The following NOL4L variants were observed in gnomAD, a reference collection of about 807,000 sequenced individuals.
The protein encoded by NOL4L is nucleolar protein 4-like.
A neutral mutation model predicts 64.5 loss-of-function variants in NOL4L; 7 were observed. That is an observed-to-expected ratio of 0.11 (90% CI 0.06 to 0.20). The LOEUF (loss-of-function observed/expected upper bound fraction) is 0.20. Among genes scored for constraint, NOL4L ranks in the 10% least tolerant of loss-of-function variants. The probability of loss-of-function intolerance (pLI) is 1.00; values close to 1 mark genes in which losing one functional copy is unlikely to be tolerated. For synonymous variants in NOL4L, 413 were observed against 401.0 expected (o/e 1.03, Z -0.36); for missense variants, 680 against 967.1 (o/e 0.70, Z 3.94).
At chr20:32,499,233 A>C (rs934426358) in intron 4 of NOL4L, among the ~76,000 whole-genome samples, 1 of 151,994 alleles carries the variant, frequency 6.6e-6, no homozygotes, top group Non-Finnish European at 1.5e-5. Context: ...TTTTAGGAGG[A>C]TGGGGAATGC....
At chr20:32,455,374 T>C (rs1394918602) in intron 6 of NOL4L, among the ~76,000 whole-genome samples, 1 of 152,204 alleles carries the variant, frequency 6.6e-6, no homozygotes, top group South Asian at 2.1e-4. Context: ...GTACAGAATG[T>C]CCCCACGAGA....
chr20:32,482,541 G>T (rs1326734766), intron 4 of NOL4L, among the ~76,000 whole-genome samples: 2 of 152,082 alleles, frequency 1.3e-5, no homozygotes, highest in Non-Finnish European at 2.9e-5. Context: ...GTGGAGGGAG[G>T]AGAGAGAGGG....
intron 1 of NOL4L, among the ~76,000 whole-genome samples, chr20:32,565,812 G>A (rs960809949): frequency 1.3e-5 from 2 of 152,162 alleles, no homozygotes; most frequent in Non-Finnish European, 2.9e-5. Flanking sequence ...GAGCATTTTG[G>A]GAGGCTGAGG....
chr20:32,557,806 T>A (rs1189675239), intron 1 of NOL4L, among the ~76,000 whole-genome samples: 1 of 152,268 alleles, frequency 6.6e-6, no homozygotes, highest in Non-Finnish European at 1.5e-5. Context: ...GGCTCATGCC[T>A]GTAATCCCAG....
At chr20:32,454,860 A>G (rs1057511523) in intron 6 of NOL4L, among the ~76,000 whole-genome samples, 14 of 152,184 alleles carry the variant, frequency 9.2e-5, no homozygotes, top group African/African-American at 3.4e-4. Flanking sequence ...GCACTCACTG[A>G]GGAGCAAATC....
At position 32,456,369 on chromosome 20, in the gene NOL4L, C is replaced by T. The variant is rs1296946099; in HGVS notation, c.868G>A (p.Gly290Ser). 1 of 1,465,392 alleles carries T rather than the reference C, an allele frequency of 6.8e-7. No individual in the cohort carries two copies. Among genetic ancestry groups the T allele is most frequent in the Non-Finnish European group, 9.1e-7 (1 of 1,104,240 alleles). The allele number at this position is 1,465,392 out of a possible 1,614,324, so 90.8% of individuals were successfully genotyped here. ...DDDSSSESGS[G>S]NGSSTLNPST... ...GGGTTCAGGGTGGAGGAGCCATTGC[C>T]GCTGCCACTCTCAGAGGAGGAGTCA... Residue 290 changes from glycine (G) to serine (S), a missense_variant, in exon 6 of 11, where the codon GGC (glycine) becomes AGC (serine). By Grantham distance (56) the Gly-to-Ser change is moderately conservative. Coordinates refer to ENST00000621426, the MANE Select transcript of NOL4L (RefSeq NM_001256798.2).
chr20:32,526,621 G>A (rs1393989516), intron 2 of NOL4L, among the ~76,000 whole-genome samples: 1 of 152,112 alleles, frequency 6.6e-6, no homozygotes, highest in Non-Finnish European at 1.5e-5. Flanking sequence ...CATCTGCCTT[G>A]GGTGGGGAAG....
intron 5 of NOL4L, among the ~76,000 whole-genome samples, chr20:32,462,915 A>AAAAAAAAAAAAAAAAAAAAAAAAAAAC (rs1389511738): frequency 6.6e-6 from 1 of 150,380 alleles, no homozygotes; most frequent in Non-Finnish European, 1.5e-5. Context: ...AAAAAAAAAA[A>AAAAAAAAAAAAAAAAAAAAAAAAAAAC]AAAAAAAACT....
chr20:32,539,846 G>A (rs984753273), intron 1 of NOL4L, among the ~76,000 whole-genome samples: 3 of 152,110 alleles, frequency 2.0e-5, no homozygotes, highest in Non-Finnish European at 4.4e-5. Flanking sequence ...CCAGGGGTAG[G>A]CTGTGCCCTC....
chr20:32,475,507 T>TGG (rs2145484747), intron 4 of NOL4L, among the ~76,000 whole-genome samples: 2 of 152,300 alleles, frequency 1.3e-5, no homozygotes, highest in East Asian at 3.9e-4. Flanking sequence ...GCTGCCGGCT[T>TGG]CGGGCCGGCC....
rs1205692042 is a variant in NOL4L, at chr20:32,456,102, C to T, written c.1119+16G>A. The stretch of plus-strand genomic sequence containing the variant: ...CTTTACAGAAAGAAATGGACTCAGC[C>T]CCCAGCCCCACACACCTCGGGGGTG... On this transcript the variant is annotated intron_variant, in intron 6 of 10. Transcript: ENST00000621426. The T allele has an allele frequency of 4.7e-6, 7 of 1,488,426 alleles. No individual in the cohort carries two copies. The highest frequency in any genetic ancestry group is 5.4e-6 in the Non-Finnish European group (6 of 1,117,902). 92.2% of individuals were successfully genotyped at this position (1,488,426 alleles called of 1,614,324 possible). A position where few individuals can be genotyped will look rare whatever the true frequency, so the allele number is the denominator to read the frequency against.
chr20:32,581,740 C>A (rs551124042), intron 1 of NOL4L, among the ~76,000 whole-genome samples: 7 of 152,184 alleles, frequency 4.6e-5, no homozygotes, highest in African/African-American at 9.7e-5. Flanking sequence ...CACAGCCCCA[C>A]CCACCCGAGC....
At chr20:32,485,834 C>G in intron 4 of NOL4L, 1 of 460,322 alleles carries the variant, frequency 2.2e-6, no homozygotes. Flanking sequence ...TTTGACTTCT[C>G]CTGGCCTGAA....
intron 4 of NOL4L, among the ~76,000 whole-genome samples, chr20:32,485,129 C>CA (rs1374573677): frequency 2.8e-5 from 4 of 141,318 alleles, no homozygotes; most frequent in African/African-American, 1.0e-4. Flanking sequence ...CCTCCTGATT[C>CA]CTCTGGTCGC....
chr20:32,537,063 C>T lies in NOL4L; in HGVS notation c.322-9150G>A, dbSNP rs544777717. On this transcript the variant is annotated intron_variant, in intron 1 of 10. Coordinates refer to ENST00000621426, the MANE Select transcript of NOL4L (RefSeq NM_001256798.2). The stretch of plus-strand genomic sequence containing the variant: ...TCCCGGCGCACCTGCCCTGCCCCGC[C>T]CCCCCGGGACGCTGCCCACCTGTCC... 50 of 985,028 alleles carry T rather than the reference C, an allele frequency of 5.1e-5. No homozygotes were observed. The Admixed American group carries it at 8.0e-4, about 16-fold the overall frequency. 61.0% of individuals were successfully genotyped at this position (985,028 alleles called of 1,614,324 possible). A position where few individuals can be genotyped will look rare whatever the true frequency, so the allele number is the denominator to read the frequency against.
chr20:32,459,623 G>A (rs928559025), intron 5 of NOL4L, among the ~76,000 whole-genome samples: 2 of 152,088 alleles, frequency 1.3e-5, no homozygotes, highest in Admixed American at 1.3e-4. Flanking sequence ...GACCTCAGGC[G>A]ATCCGCCCGC....
In NOL4L at chr20:32,471,136, C is replaced by T. The variant is rs1021252982; in HGVS notation, c.841+3465G>A. Reference sequence around the variant, plus strand: ...GTGTTTCAGGACAAGCAGACACTCACCCCGGTAGAACCTCAGAGGCAAGCT... The same window carrying T: ...GTGTTTCAGGACAAGCAGACACTCATCCCGGTAGAACCTCAGAGGCAAGCT... On this transcript the variant is annotated intron_variant, in intron 5 of 10. Transcript: ENST00000621426. Among the ~76,000 whole-genome samples the T allele has an allele frequency of 1.3e-5, 2 of 152,304 alleles. 1 individual carries two copies. The highest frequency in any genetic ancestry group is 4.1e-4 in the South Asian group (2 of 4,830).
chr20:32,484,252 C>G (rs62207976), intron 4 of NOL4L, among the ~76,000 whole-genome samples: 3,194 of 152,068 alleles, frequency 0.021, 39 homozygotes, highest in African/African-American at 0.035. Context: ...CTCCCCCGGG[C>G]GGCCGGAGCG....
chr20:32,555,093 C>T (rs1978564283), intron 1 of NOL4L, among the ~76,000 whole-genome samples: 1 of 152,154 alleles, frequency 6.6e-6, no homozygotes, highest in African/African-American at 2.4e-5. Flanking sequence ...GCTACATCTG[C>T]ACCATGTGCC....
Sources: allele counts gnomAD v4.1 joint callset (sites outside exome capture counted in the v4.1 genomes callset), GRCh38; gene constraint gnomAD v4.1.1; transcripts MANE v1.5; gene names NCBI Gene and HGNC (gene_info 2026-07-23, HGNC 2026-07-21).